C1orf52: variants seen among roughly 807,000 people sequenced by gnomAD.
C1orf52 encodes the protein chromosome 1 open reading frame 52.
C1orf52 carries 5 observed loss-of-function variants against 17.2 expected under a neutral mutation model. That is an observed-to-expected ratio of 0.29 (90% CI 0.15 to 0.61). The LOEUF (loss-of-function observed/expected upper bound fraction) is 0.61. Ranked by LOEUF, C1orf52 falls within the 20% of genes least tolerant of loss-of-function variation. C1orf52 has a pLI of 0.85. For missense variants in C1orf52, 245 were observed against 234.1 expected (o/e 1.05, Z -0.30); for synonymous variants, 110 against 88.0 (o/e 1.25, Z -1.40).
chr1:85,259,070 G>C (rs1003047417), intron 1 of C1orf52: 6 of 1,347,554 alleles, frequency 4.5e-6, no homozygotes, highest in Admixed American at 3.2e-5. Flanking sequence ...AGCTGCAGCG[G>C]GGGGGGCGGG....
chr1:85,255,784 CAT>C (rs1659922220), intron 2 of C1orf52, among the ~76,000 whole-genome samples: 1 of 51,788 alleles, frequency 1.9e-5, no homozygotes, highest in South Asian at 5.4e-4. Context: ...AAAATTATGA[CAT>C]AATTGATTTT....
rs143708245 is a variant in C1orf52, at chr1:85,259,478, C to G, written c.156G>C (p.Ala52=). 32 of 1,613,866 alleles carry G rather than the reference C, an allele frequency of 2.0e-5. No homozygotes were observed. In the African/African-American group the frequency reaches 4.3e-4, roughly 22 times the overall value. Residue 52 remains alanine, a synonymous_variant, in exon 1 of 3, where the codon GCG becomes GCC. Coordinates refer to ENST00000471115, the MANE Select transcript of C1orf52 (RefSeq NM_198077.4). Reference sequence around the variant, plus strand: ...CGTCAGGTCCCGGGAGCCGCTTCTCCGCCTTGTTCCTACAGCCGCCCGCCG... The same window carrying G: ...CGTCAGGTCCCGGGAGCCGCTTCTCGGCCTTGTTCCTACAGCCGCCCGCCG... ...AKSAGGCRNK[A]EKRLPGPDEL... is the part of the protein sequence containing the mutation.
At chr1:85,259,140 G>A (rs1184325553) in intron 1 of C1orf52, 1 of 1,223,992 alleles carries the variant, frequency 8.2e-7, no homozygotes, top group African/African-American at 1.5e-5. Context: ...GGAGGTTTGG[G>A]TCTCCTCACA....
intron 2 of C1orf52, among the ~76,000 whole-genome samples, chr1:85,253,783 T>C (rs1659858474): frequency 1.3e-5 from 2 of 151,014 alleles, no homozygotes; most frequent in African/African-American, 4.9e-5. Context: ...AAAAAAAAAA[T>C]ACAGGGTAGC....
At chr1:85,252,843 G>T in intron 2 of C1orf52, 141 bp from the exon 3 acceptor site, 1 of 618,366 alleles carries the variant, frequency 1.6e-6, no homozygotes, top group Non-Finnish European at 2.7e-6. Context: ...TAAAAAACAA[G>T]AATTAACTTT....
At chr1:85,257,416 A>T (rs1216791323) in intron 2 of C1orf52, 3 of 715,892 alleles carry the variant, frequency 4.2e-6, no homozygotes, top group Non-Finnish European at 7.8e-6. Context: ...GGTGCAACGT[A>T]TACTGAAAGG....
intron 2 of C1orf52, among the ~76,000 whole-genome samples, chr1:85,253,533 C>T (rs181206155): frequency 1.6e-4 from 24 of 151,998 alleles, no homozygotes; most frequent in Non-Finnish European, 2.5e-4. Context: ...CCCACTCCCA[C>T]GATGGCCAGA....
At chr1:85,257,871 C>T (rs1358308521) in intron 2 of C1orf52, among the ~76,000 whole-genome samples, 2 of 152,018 alleles carry the variant, frequency 1.3e-5, no homozygotes, top group Non-Finnish European at 2.9e-5. Context: ...TTTGGGAGGC[C>T]GAGGCAGGTG....
intron 1 of C1orf52, chr1:85,259,141 T>C: frequency 8.3e-7 from 1 of 1,201,902 alleles, no homozygotes; most frequent in Non-Finnish European, 1.1e-6. Flanking sequence ...GAGGTTTGGG[T>C]CTCCTCACAA....
chr1:85,257,130 C>T (rs774674284), intron 2 of C1orf52, among the ~76,000 whole-genome samples: 44 of 152,118 alleles, frequency 2.9e-4, no homozygotes, highest in Non-Finnish European at 5.0e-4. Flanking sequence ...AAATAATGGT[C>T]CAAAACATTA....
In C1orf52 at chr1:85,252,623, T is replaced by C. The variant is rs1659827213; in HGVS notation, c.*6A>G. ...TTAGCAGTACAGAAATTCTGGTCAT[T>C]TGTTTCTACTTTTTCTTCTTTGCTG... On this transcript the variant is annotated 3_prime_UTR_variant, in exon 3 of 3. Coordinates refer to ENST00000471115, the MANE Select transcript of C1orf52 (RefSeq NM_198077.4). 6.2e-7 allele frequency: 1 copy of C among 1,612,286 alleles called. No homozygotes were observed. The highest frequency in any genetic ancestry group is 1.1e-5 in the South Asian group (1 of 90,980).
intron 2 of C1orf52, among the ~76,000 whole-genome samples, chr1:85,254,978 A>G (rs1055623241): frequency 2.0e-5 from 3 of 152,250 alleles, no homozygotes; most frequent in Admixed American, 6.5e-5. Context: ...TTTATAAACT[A>G]GAGTAGGAAA....
At position 85,250,738 on chromosome 1, in the gene C1orf52, T is replaced by C. The variant is rs1659781318; in HGVS notation, c.*1891A>G. 6.6e-6 allele frequency: 1 copy of C among 152,216 alleles called. No individual in the cohort carries two copies. Among genetic ancestry groups the C allele is most frequent in the East Asian group, 1.9e-4 (1 of 5,192 alleles). The allele number at this position is 152,216 out of a possible 1,614,324, so 9.4% of individuals were successfully genotyped here. On this transcript the variant is annotated 3_prime_UTR_variant, in exon 3 of 3. Coordinates refer to ENST00000471115, the MANE Select transcript of C1orf52 (RefSeq NM_198077.4). ...GATATTTGCTCCACCAACACATGCATCCAAATTTTAGATTTCTCCAGAGCT... is the reference window on the plus strand; with the variant it reads ...GATATTTGCTCCACCAACACATGCACCCAAATTTTAGATTTCTCCAGAGCT...
Position 85,251,004 on chromosome 1 carries a change from C to A in C1orf52, c.*1625G>T, listed in dbSNP as rs1429319993. ...CAGCTATAGAATTGGTTTTTCTAAA[C>A]TCGATGATATACTGGAAGCCATCAT... On this transcript the variant is annotated 3_prime_UTR_variant, in exon 3 of 3. Coordinates refer to ENST00000471115, the MANE Select transcript of C1orf52 (RefSeq NM_198077.4). 1 of 152,204 alleles carries A rather than the reference C, an allele frequency of 6.6e-6. No homozygotes were observed. Among genetic ancestry groups the A allele is most frequent in the Non-Finnish European group, 1.5e-5 (1 of 68,048 alleles). 9.4% of individuals were successfully genotyped at this position (152,204 alleles called of 1,614,324 possible). A position where few individuals can be genotyped will look rare whatever the true frequency, so the allele number is the denominator to read the frequency against.
At chr1:85,254,643 G>T (rs12084253) in intron 2 of C1orf52, among the ~76,000 whole-genome samples, 38,804 of 151,980 alleles carry the variant, frequency 0.26, 5,181 homozygotes, top group Non-Finnish European at 0.29. Context: ...CACCCACCTC[G>T]GCCTCCCAAA....
At chr1:85,257,530 G>A in intron 2 of C1orf52, 1 of 703,574 alleles carries the variant, frequency 1.4e-6, no homozygotes. Flanking sequence ...TTAATACAAG[G>A]CCTTGACTTT....
At chr1:85,253,190 G>T (rs1307680341) in intron 2 of C1orf52, among the ~76,000 whole-genome samples, 2 of 152,168 alleles carry the variant, frequency 1.3e-5, no homozygotes, top group Non-Finnish European at 2.9e-5. Context: ...ACTCATGACT[G>T]TATTCTCTCC....
At position 85,252,379 on chromosome 1, in the gene C1orf52, CTG is replaced by C; in HGVS notation, c.*248_*249del. The C allele has an allele frequency of 4.8e-6, 2 of 420,382 alleles. No individual in the cohort carries two copies. The highest frequency in any genetic ancestry group is 4.4e-5 in the East Asian group (1 of 22,666). The allele number at this position is 420,382 out of a possible 1,614,324, so 26.0% of individuals were successfully genotyped here. ...AAACTCTCAAAGCATGTCACCAATT[CTG>C]TGAGAGCAAGAATGCATCCAAGTGT... On this transcript the variant is annotated 3_prime_UTR_variant, in exon 3 of 3. Transcript: ENST00000471115.
In C1orf52 at chr1:85,258,850, C is replaced by T. The variant is rs946152660; in HGVS notation, c.277-128G>A. 5.6e-6 allele frequency: 8 copies of T among 1,417,134 alleles called. No individual in the cohort carries two copies. In the Admixed American group the frequency reaches 2.0e-4, roughly 36 times the overall value. The allele number at this position is 1,417,134 out of a possible 1,614,324, so 87.8% of individuals were successfully genotyped here. A position where few individuals can be genotyped will look rare whatever the true frequency, so the allele number is the denominator to read the frequency against. ...TTTTTTTTTCTTTAAGGTTGAAAGACACATTTTTCCATCAAAATCACAATA... is the reference window on the plus strand; with the variant it reads ...TTTTTTTTTCTTTAAGGTTGAAAGATACATTTTTCCATCAAAATCACAATA... On this transcript the variant is annotated intron_variant, in intron 1 of 2. Coordinates refer to ENST00000471115, the MANE Select transcript of C1orf52 (RefSeq NM_198077.4).
Sources: allele counts gnomAD v4.1 joint callset (sites outside exome capture counted in the v4.1 genomes callset), GRCh38; gene constraint gnomAD v4.1.1; transcripts MANE v1.5; gene names NCBI Gene and HGNC (gene_info 2026-07-23, HGNC 2026-07-21).